The following PPP2R2B variants were observed in gnomAD, a reference collection of about 807,000 sequenced individuals.
The protein encoded by PPP2R2B is serine/threonine-protein phosphatase 2A 55 kDa regulatory subunit B beta isoform.
In PPP2R2B, 5 loss-of-function variants were observed where a neutral mutation model predicts 46.0. The ratio of observed to expected loss-of-function variants is 0.11; its 90% CI spans 0.06 to 0.23. The LOEUF (loss-of-function observed/expected upper bound fraction) is 0.23, where lower values mean the gene tolerates loss of function less well. PPP2R2B is among the 10% of genes least tolerant of loss of function. PPP2R2B has a pLI of 1.00. For synonymous variants in PPP2R2B, 215 were observed against 206.7 expected (o/e 1.04, Z -0.34); for missense variants, 367 against 575.0 (o/e 0.64, Z 3.70).
At chr5:146,932,723 T>C (rs906443899) in intron 1 of PPP2R2B, among the ~76,000 whole-genome samples, 1 of 152,198 alleles carries the variant, frequency 6.6e-6, no homozygotes, top group Non-Finnish European at 1.5e-5. Context: ...CTGAAGACTC[T>C]AGTGGCCCAG....
chr5:147,021,867 G>T (rs188095107), intron 1 of PPP2R2B, among the ~76,000 whole-genome samples: 55 of 152,250 alleles, frequency 3.6e-4, no homozygotes, highest in Non-Finnish European at 6.9e-4. Flanking sequence ...CTCTAAAAAT[G>T]ATAAGGATGA....
intron 2 of PPP2R2B, among the ~76,000 whole-genome samples, chr5:147,062,227 G>A (rs1757280386): frequency 6.6e-6 from 1 of 152,126 alleles, no homozygotes; most frequent in Non-Finnish European, 1.5e-5. Flanking sequence ...TGTAGCCTAG[G>A]AGCAATAGGC....
intron 5 of PPP2R2B, among the ~76,000 whole-genome samples, chr5:146,687,924 G>A (rs1288403960): frequency 6.6e-6 from 1 of 152,148 alleles, no homozygotes; most frequent in Non-Finnish European, 1.5e-5. Flanking sequence ...ATAGTACAGG[G>A]AAGGGAAAAA....
At chr5:146,874,016 G>A (rs1761759945) in intron 2 of PPP2R2B, among the ~76,000 whole-genome samples, 1 of 152,124 alleles carries the variant, frequency 6.6e-6, no homozygotes, top group Non-Finnish European at 1.5e-5. Context: ...AATGCTTTCA[G>A]GTCTTGTTAA....
chr5:146,859,692 A>G (rs962673778), intron 2 of PPP2R2B, among the ~76,000 whole-genome samples: 40 of 152,242 alleles, frequency 2.6e-4, no homozygotes, highest in African/African-American at 9.4e-4. Flanking sequence ...AAATAGCCTG[A>G]GAAACCTTTC....
At chr5:146,697,610 CA>C in intron 4 of PPP2R2B, among the ~76,000 whole-genome samples, 1 of 152,246 alleles carries the variant, frequency 6.6e-6, no homozygotes, top group East Asian at 1.9e-4. Flanking sequence ...AACTTCTATT[CA>C]ATATGCCAAC....
At chr5:147,026,725 G>A (rs1048757409) in intron 1 of PPP2R2B, among the ~76,000 whole-genome samples, 1 of 151,968 alleles carries the variant, frequency 6.6e-6, no homozygotes, top group African/African-American at 2.4e-5. Context: ...AGCCACCAGG[G>A]AAACAAAAAT....
intron 1 of PPP2R2B, among the ~76,000 whole-genome samples, chr5:146,890,391 C>T (rs1762458837): frequency 6.6e-6 from 1 of 152,212 alleles, no homozygotes; most frequent in Admixed American, 6.5e-5. Flanking sequence ...TATCCTTCAC[C>T]TACACCATCA....
intron 1 of PPP2R2B, among the ~76,000 whole-genome samples, chr5:146,908,875 C>T (rs1216527616): frequency 2.6e-5 from 4 of 151,910 alleles, no homozygotes; most frequent in African/African-American, 9.7e-5. Flanking sequence ...GATCACGGCT[C>T]ACTGCAGCCT....
intron 1 of PPP2R2B, among the ~76,000 whole-genome samples, chr5:146,927,062 T>C (rs1763806031): frequency 1.3e-5 from 2 of 152,068 alleles, no homozygotes; most frequent in Admixed American, 1.3e-4. Context: ...GCAGAACCTA[T>C]AGGCTGGGTT....
At chr5:146,661,196 G>A (rs531225832) in intron 5 of PPP2R2B, among the ~76,000 whole-genome samples, 14 of 152,294 alleles carry the variant, frequency 9.2e-5, no homozygotes, top group Admixed American at 5.2e-4. Context: ...CCGTGTGCAG[G>A]AGCTAGGGAG....
At chr5:146,624,330 G>C (rs997996289) in intron 7 of PPP2R2B, among the ~76,000 whole-genome samples, 1 of 152,150 alleles carries the variant, frequency 6.6e-6, no homozygotes, top group Non-Finnish European at 1.5e-5. Context: ...TTGTGAACTC[G>C]CTCTATGGCA....
At chr5:146,729,751 G>T (rs898353454) in intron 2 of PPP2R2B, among the ~76,000 whole-genome samples, 5 of 152,236 alleles carry the variant, frequency 3.3e-5, no homozygotes. Flanking sequence ...GCCTGTGGGT[G>T]CACAGAAGTG....
At chr5:147,011,534 T>G (rs1168292641) in intron 1 of PPP2R2B, among the ~76,000 whole-genome samples, 1 of 152,154 alleles carries the variant, frequency 6.6e-6, no homozygotes, top group Non-Finnish European at 1.5e-5. Flanking sequence ...AAATGACAAT[T>G]TGAGTTCCTC....
At chr5:146,685,846 C>T (rs575713293) in intron 5 of PPP2R2B, among the ~76,000 whole-genome samples, 26 of 152,236 alleles carry the variant, frequency 1.7e-4, no homozygotes, top group African/African-American at 6.3e-4. Flanking sequence ...CTTGTGTACC[C>T]ACCCTGTGGC....
intron 1 of PPP2R2B, among the ~76,000 whole-genome samples, chr5:146,898,379 T>C (rs1432227975): frequency 2.0e-5 from 3 of 152,156 alleles, no homozygotes; most frequent in Admixed American, 2.0e-4. Context: ...GGGGAAAGGA[T>C]ACCCTATTTA....
chr5:146,615,515 T>TAAAAAAAAAAAAAAAAAAAA (rs1364774106), intron 7 of PPP2R2B, among the ~76,000 whole-genome samples: 1 of 71,026 alleles, frequency 1.4e-5, no homozygotes, highest in African/African-American at 4.6e-5. Context: ...AAAAAAAAAT[T>TAAAAAAAAAAAAAAAAAAAA]AAAAAAAAAA....
chr5:146,781,673 A>C (rs2151283487), intron 2 of PPP2R2B, among the ~76,000 whole-genome samples: 1 of 152,322 alleles, frequency 6.6e-6, no homozygotes, highest in South Asian at 2.1e-4. Context: ...ATACCAGTTA[A>C]AAAAATGAAT....
rs758046288 is a variant in PPP2R2B at position 147,023,752 on chromosome 5, G to A, written c.79+31913C>T. On this transcript the variant is annotated intron_variant, in intron 1 of 8. Coordinates refer to the PPP2R2B transcript ENST00000336640. ...GCAAGGGTGTTTCTAGAAGAGATTA[G>A]CATTGGAATCAGTAGACTGAGTAAA... Among the ~76,000 whole-genome samples the A allele has an allele frequency of 6.6e-5, 10 of 152,128 alleles. 1 individual carries two copies. The Middle Eastern group carries it at 0.014, about 207-fold the overall frequency.
Sources: allele counts gnomAD v4.1 joint callset (sites outside exome capture counted in the v4.1 genomes callset), GRCh38; gene constraint gnomAD v4.1.1; transcripts MANE v1.5; gene names NCBI Gene and HGNC (gene_info 2026-07-23, HGNC 2026-07-21).